The following RHCE variants were observed in gnomAD, a reference collection of about 807,000 sequenced individuals.
The protein encoded by RHCE is Rh blood group CcEe antigens.
A neutral mutation model predicts 43.8 loss-of-function variants in RHCE; 22 were observed. That is an observed-to-expected ratio of 0.50 (90% CI 0.36 to 0.72). The LOEUF is 0.72. Among genes scored for constraint, RHCE ranks in the 30% least tolerant of loss-of-function variants. RHCE has a pLI of 0.00. For synonymous variants in RHCE, 156 were observed against 210.7 expected (o/e 0.74, Z 2.25); for missense variants, 385 against 525.4 (o/e 0.73, Z 2.61).
At chr1:25,400,185 C>A (rs1282675392) in intron 3 of RHCE, among the ~76,000 whole-genome samples, 1 of 152,200 alleles carries the variant, frequency 6.6e-6, no homozygotes, top group Non-Finnish European at 1.5e-5. Context: ...CTCTGTTCCC[C>A]TTTAGAGCAA....
In RHCE at chr1:25,391,067, C is replaced by G. The variant is rs979083455; in HGVS notation, c.635-152G>C. The G allele has an allele frequency of 9.1e-5, 94 of 1,032,968 alleles. No homozygotes were observed. The African/African-American group carries it at 1.3e-3, about 15-fold the overall frequency. 64.0% of individuals were successfully genotyped at this position (1,032,968 alleles called of 1,614,324 possible). ...AAGTCACGTCTCCCCTCCGAGCTCT[C>G]AAGCTGATACCAGCTAACCACATTT... On this transcript the variant is annotated intron_variant, in intron 4 of 9. Transcript: ENST00000294413.
rs2375328 is a variant in RHCE at position 25,389,765 on chromosome 1, T to G, written c.802-652A>C. Among the ~76,000 whole-genome samples, 33 of 152,276 alleles carry G rather than the reference T, an allele frequency of 2.2e-4. No individual in the cohort carries two copies. The East Asian group carries it at 3.5e-3, about 16-fold the overall frequency. On this transcript the variant is annotated intron_variant, in intron 5 of 9. Transcript: ENST00000294413. ...TGCCTGTGCCACCCTGTGTGACTGGTCCCAGTTCCAATAAGCTGGGCCTTG... is the reference window on the plus strand; with the variant it reads ...TGCCTGTGCCACCCTGTGTGACTGGGCCCAGTTCCAATAAGCTGGGCCTTG...
Position 25,362,498 on chromosome 1 carries a change from C to T in RHCE, c.*29G>A, listed in dbSNP as rs376075232. The T allele has an allele frequency of 3.8e-6, 6 of 1,590,252 alleles. No homozygotes were observed. The highest frequency in any genetic ancestry group is 5.1e-6 in the Non-Finnish European group (6 of 1,167,204). ...GAGAGGAAGTTGTCTTGTTTTTGAA[C>T]AGGCCTTGTTTTTCTTGGATGCTTT... On this transcript the variant is annotated 3_prime_UTR_variant, in exon 10 of 10. Coordinates refer to ENST00000294413, the MANE Select transcript of RHCE (RefSeq NM_020485.8).
At position 25,370,531 on chromosome 1, in the gene RHCE, A is replaced by C. The variant is rs150240151; in HGVS notation, c.1163T>G (p.Leu388Arg). ...LTSGLLTGLL[L>R]NLKIWKAPHV... ...AGGTGCTTTCCATATTTTGAGATTT[A>C]GGAGCAAACCTGTTTAAATGCATAA... is the stretch of plus-strand genomic sequence containing the variant. The change falls in exon 9 of 10, where the codon CTA becomes CGA. Residue 388 changes from leucine to arginine, a missense_variant. By Grantham distance (102) the Leu-to-Arg change is moderately radical. Transcript: ENST00000294413. 1 of 1,611,590 alleles carries C rather than the reference A, an allele frequency of 6.2e-7. No homozygotes were observed. Among genetic ancestry groups the C allele is most frequent in the African/African-American group, 1.3e-5 (1 of 74,372 alleles).
intron 7 of RHCE, among the ~76,000 whole-genome samples, chr1:25,379,488 TATATATA>T (rs1368507737): frequency 3.0e-3 from 54 of 17,856 alleles, no homozygotes; most frequent in East Asian, 9.8e-3. Context: ...TATATATATA[TATATATA>T]TTTTTTTTTT....
At chr1:25,422,304 G>A (rs4649083), upstream of RHCE, among the ~76,000 whole-genome samples, 76,969 of 151,770 alleles carry the variant, frequency 0.51, 19,835 homozygotes, top group Non-Finnish European at 0.54. Context: ...AGAGGAAAAC[G>A]CTTTTATCAA....
chr1:25,372,950 G>A (rs930048540), intron 8 of RHCE, among the ~76,000 whole-genome samples: 10 of 151,466 alleles, frequency 6.6e-5, no homozygotes, highest in African/African-American at 2.2e-4. Flanking sequence ...GACTACAGGT[G>A]TACCACCACA....
intron 1 of RHCE, among the ~76,000 whole-genome samples, chr1:25,416,138 C>T (rs1267790403): frequency 6.6e-6 from 1 of 152,020 alleles, no homozygotes; most frequent in Non-Finnish European, 1.5e-5. Context: ...TGTCATACAG[C>T]CTTGAGTCTC....
At chr1:25,430,164 G>A (rs939478259) in exon 1 of RHCE, 2 of 151,988 alleles carry the variant, frequency 1.3e-5, no homozygotes, top group African/African-American at 4.8e-5. Flanking sequence ...GTGGAGCCCG[G>A]GCCGCACCGC....
chr1:25,405,540 T>C (rs1284160764), intron 2 of RHCE, among the ~76,000 whole-genome samples: 1 of 148,010 alleles, frequency 6.8e-6, no homozygotes, highest in African/African-American at 2.5e-5. Context: ...GTAAAAAAAT[T>C]TAACTCAGGA....
chr1:25,391,305 C>T (rs1423247995), intron 4 of RHCE, among the ~76,000 whole-genome samples: 1 of 152,118 alleles, frequency 6.6e-6, no homozygotes, highest in African/African-American at 2.4e-5. Context: ...CTGCCTCAGC[C>T]TCCCAAGTAG....
intron 6 of RHCE, among the ~76,000 whole-genome samples, chr1:25,387,470 T>C (rs1168645024): frequency 4.6e-5 from 7 of 152,226 alleles, no homozygotes; most frequent in Non-Finnish European, 1.0e-4. Flanking sequence ...TGAATGAATA[T>C]ATGAATGAAT....
intron 1 of RHCE, chr1:25,411,339 C>A: frequency 6.4e-6 from 10 of 1,550,514 alleles, no homozygotes; most frequent in Non-Finnish European, 8.7e-6. Context: ...TAGGAACTCA[C>A]CTGCCACTGG....
In RHCE at chr1:25,392,011, C is replaced by G. The variant is rs1646382359; in HGVS notation, c.617G>C (p.Ser206Thr). 1 of 1,613,998 alleles carries G rather than the reference C, an allele frequency of 6.2e-7. No individual in the cohort carries two copies. Among genetic ancestry groups the G allele is most frequent in the Admixed American group, 1.7e-5 (1 of 60,004 alleles). The change falls in exon 4 of 10, where the codon AGT becomes ACT. Residue 206 changes from serine to threonine, a missense_variant. By Grantham distance (58) the Ser-to-Thr change is moderately conservative (BLOSUM62 1). Coordinates refer to ENST00000294413, the MANE Select transcript of RHCE (RefSeq NM_020485.8). ...GTCCTTACCCAGCATGGCAGACAAA[C>G]TGGGTATCGTTGCTCTCTGATCATT... is the stretch of plus-strand genomic sequence containing the variant. Reference protein sequence around the residue: ...EDNDQRATIPSLSAMLGALFL... With the variant: ...EDNDQRATIPTLSAMLGALFL...
upstream of RHCE, among the ~76,000 whole-genome samples, chr1:25,425,506 G>T (rs1384424823): frequency 6.6e-6 from 1 of 152,178 alleles, no homozygotes; most frequent in Non-Finnish European, 1.5e-5. Context: ...TGCCTCCCAA[G>T]TTACTAAATC....
At chr1:25,369,454 A>C (rs1210097142) in intron 9 of RHCE, among the ~76,000 whole-genome samples, 1 of 151,606 alleles carries the variant, frequency 6.6e-6, no homozygotes, top group African/African-American at 2.4e-5. Context: ...GACACATCAG[A>C]GTGCTGCGTG....
chr1:25,421,204 C>T (rs960462843), upstream of RHCE, among the ~76,000 whole-genome samples: 2 of 152,094 alleles, frequency 1.3e-5, no homozygotes, highest in African/African-American at 4.8e-5. Context: ...TCAGAAGAGG[C>T]TTTCTTTTTA....
Position 25,362,400 on chromosome 1 carries a change from T to A in RHCE, c.*127A>T. On this transcript the variant is annotated 3_prime_UTR_variant, in exon 10 of 10. Coordinates refer to ENST00000294413, the MANE Select transcript of RHCE (RefSeq NM_020485.8). ...AATTTTTTAATATCAAATCTGTCTC[T>A]GACCTTGTTTCATTATACATAAGGA... 1.2e-6 allele frequency: 2 copies of A among 1,609,204 alleles called. No homozygotes were observed. The highest frequency in any genetic ancestry group is 1.7e-6 in the Non-Finnish European group (2 of 1,176,930).
At position 25,406,246 on chromosome 1, in the gene RHCE, C is replaced by T. The variant is rs1233369469; in HGVS notation, c.335+2437G>A. ...GTGTGTATGCGGGCGTGCGTGCGTG[C>T]GTGCGTGTGTGTGTGTGTGTGTGTG... is the stretch of plus-strand genomic sequence containing the variant. On this transcript the variant is annotated intron_variant, in intron 2 of 9. Coordinates refer to ENST00000294413, the MANE Select transcript of RHCE (RefSeq NM_020485.8). Among the ~76,000 whole-genome samples the T allele has an allele frequency of 1.8e-4, 16 of 88,496 alleles. 3 individuals are homozygous for T. The highest frequency in any genetic ancestry group is 8.7e-4 in the African/African-American group (15 of 17,252). The allele number at this position is 88,496 out of a possible 152,430, so 58.1% of individuals were successfully genotyped here.
Sources: gnomAD v4.1 joint callset for allele counts (sites outside exome capture counted in the v4.1 genomes callset) on GRCh38, gnomAD v4.1.1 for gene constraint, MANE v1.5 for transcripts, NCBI Gene and HGNC (gene_info 2026-07-23, HGNC 2026-07-21) for gene names.